Variants in PHACTR1 observed in about 807,000 individuals in gnomAD.
PHACTR1 encodes the protein RPEL repeat containing 1.
PHACTR1 carries 16 observed loss-of-function variants against 69.2 expected under a neutral mutation model. The ratio of observed to expected loss-of-function variants is 0.23; its 90% CI spans 0.16 to 0.35. PHACTR1 has a LOEUF of 0.35. PHACTR1 is among the 10% of genes least tolerant of loss of function. PHACTR1 has a pLI of 1.00. For synonymous variants in PHACTR1, 312 were observed against 284.5 expected, an observed-to-expected ratio of 1.10 and a Z score of -0.97; for missense variants, 510 against 734.7, an observed-to-expected ratio of 0.69 and a Z score of 3.54.
chr6:12,889,797 CT>C (rs4053036), intron 4 of PHACTR1, among the ~76,000 whole-genome samples: 31,743 of 132,596 alleles, frequency 0.24, 3,924 homozygotes, highest in Middle Eastern at 0.37. Context: ...CTCCTTCTTC[CT>C]TTTTTTTTTT....
intron 4 of PHACTR1, among the ~76,000 whole-genome samples, chr6:12,846,595 A>G (rs1454078672): frequency 6.6e-6 from 1 of 152,240 alleles, no homozygotes; most frequent in East Asian, 1.9e-4. Flanking sequence ...TGGTAGGAAC[A>G]CTTGGCTCTT....
chr6:13,251,460 T>G (rs1170246349), intron 10 of PHACTR1, among the ~76,000 whole-genome samples: 3 of 152,196 alleles, frequency 2.0e-5, no homozygotes, highest in Non-Finnish European at 4.4e-5. Context: ...ATCAAGAAAC[T>G]GCCTGCCCAT....
At chr6:13,195,329 C>A (rs777387946) in intron 7 of PHACTR1, among the ~76,000 whole-genome samples, 1 of 152,172 alleles carries the variant, frequency 6.6e-6, no homozygotes, top group Non-Finnish European at 1.5e-5. Flanking sequence ...CAACTCACTG[C>A]AACTAGTTGG....
intron 5 of PHACTR1, among the ~76,000 whole-genome samples, chr6:13,101,288 A>G (rs1022871120): frequency 6.6e-6 from 1 of 152,248 alleles, no homozygotes; most frequent in African/African-American, 2.4e-5. Context: ...CCACTCTCAC[A>G]ATAACCACAT....
At chr6:12,943,080 G>C (rs1371202696) in intron 4 of PHACTR1, among the ~76,000 whole-genome samples, 1 of 152,208 alleles carries the variant, frequency 6.6e-6, no homozygotes, top group Non-Finnish European at 1.5e-5. Flanking sequence ...GTTCATAGCA[G>C]CGTTACTCAC....
intron 8 of PHACTR1, among the ~76,000 whole-genome samples, chr6:13,216,228 A>G (rs552722795): frequency 6.6e-6 from 1 of 152,348 alleles, no homozygotes; most frequent in East Asian, 1.9e-4. Context: ...TTGGGTAAAT[A>G]CATTTCATGG....
intron 4 of PHACTR1, among the ~76,000 whole-genome samples, chr6:12,832,584 A>G (rs900482858): frequency 6.6e-6 from 1 of 152,054 alleles, no homozygotes; most frequent in Non-Finnish European, 1.5e-5. Flanking sequence ...TAAGCTCTTT[A>G]GGGAGTCAAG....
intron 4 of PHACTR1, among the ~76,000 whole-genome samples, chr6:12,911,781 C>T (rs1309484820): frequency 1.3e-5 from 2 of 152,182 alleles, no homozygotes; most frequent in African/African-American, 4.8e-5. Context: ...CCTTTGTACC[C>T]TTTCCAAAGA....
intron 4 of PHACTR1, among the ~76,000 whole-genome samples, chr6:12,879,278 C>T (rs962983862): frequency 1.3e-5 from 2 of 152,206 alleles, no homozygotes; most frequent in African/African-American, 4.8e-5. Context: ...CTGAAGAGAA[C>T]ATGGGTCTGT....
At chr6:13,176,696 A>G (rs1196537891) in intron 6 of PHACTR1, among the ~76,000 whole-genome samples, 2 of 151,916 alleles carry the variant, frequency 1.3e-5, no homozygotes, top group Non-Finnish European at 2.9e-5. Context: ...CTACTATTCT[A>G]TTTTTCGTAC....
At chr6:12,804,394 T>C (rs79008380) in intron 4 of PHACTR1, among the ~76,000 whole-genome samples, 92 of 152,340 alleles carry the variant, frequency 6.0e-4, no homozygotes, top group African/African-American at 2.1e-3. Context: ...CAGCGGGTGA[T>C]AACCTCAGAG....
At chr6:12,745,775 T>G (rs1322439206) in intron 3 of PHACTR1, among the ~76,000 whole-genome samples, 1 of 152,152 alleles carries the variant, frequency 6.6e-6, no homozygotes, top group African/African-American at 2.4e-5. Flanking sequence ...ACTAGAGTAT[T>G]GGAGTTAGGC....
chr6:13,184,962 C>A (rs1313572476), intron 7 of PHACTR1: 2 of 1,366,442 alleles, frequency 1.5e-6, no homozygotes, highest in African/African-American at 3.0e-5. Flanking sequence ...AGCCCCCGGC[C>A]CTGCCTCCCA....
chr6:12,982,824 A>C (rs1417414276), intron 4 of PHACTR1, among the ~76,000 whole-genome samples: 1 of 152,208 alleles, frequency 6.6e-6, no homozygotes, highest in Non-Finnish European at 1.5e-5. Context: ...CATCCAGTGG[A>C]TAAGTTCCTG....
chr6:12,770,336 G>T (rs1185522403), intron 4 of PHACTR1, among the ~76,000 whole-genome samples: 1 of 152,208 alleles, frequency 6.6e-6, no homozygotes, highest in Admixed American at 6.5e-5. Context: ...CATGAGTCTG[G>T]CTGGGTAGAG....
intron 7 of PHACTR1, among the ~76,000 whole-genome samples, chr6:13,200,955 A>C (rs1050646068): frequency 6.6e-5 from 10 of 152,054 alleles, no homozygotes; most frequent in Admixed American, 2.0e-4. Context: ...AAAAAAAAAA[A>C]AAAGAAAAAA....
intron 4 of PHACTR1, among the ~76,000 whole-genome samples, chr6:13,013,948 G>C (rs1202048823): frequency 2.6e-5 from 4 of 151,356 alleles, no homozygotes; most frequent in Non-Finnish European, 5.9e-5. Flanking sequence ...CCGCGCTGCA[G>C]GGAGGGCGCG....
intron 5 of PHACTR1, among the ~76,000 whole-genome samples, chr6:13,146,685 A>T (rs1823399601): frequency 6.6e-6 from 1 of 152,212 alleles, no homozygotes; most frequent in Non-Finnish European, 1.5e-5. Context: ...AGGATTTCAG[A>T]TTTCCATTCT....
intron 4 of PHACTR1, among the ~76,000 whole-genome samples, chr6:13,019,067 TATA>T (rs373203870): frequency 9.1e-5 from 9 of 99,160 alleles, no homozygotes; most frequent in South Asian, 3.3e-4. Flanking sequence ...TATATATATA[TATA>T]TATATTTTTT....
Sources: allele counts gnomAD v4.1 joint callset (sites outside exome capture counted in the v4.1 genomes callset), GRCh38; gene constraint gnomAD v4.1.1; transcripts MANE v1.5; gene names NCBI Gene and HGNC (gene_info 2026-07-23, HGNC 2026-07-21).